Variants in NTRK2 observed in about 807,000 individuals in gnomAD.
NTRK2 encodes BDNF/NT-3 growth factors receptor.
In NTRK2, 13 loss-of-function variants were observed where a neutral mutation model predicts 94.5. The ratio of observed to expected loss-of-function variants is 0.14; its 90% CI spans 0.09 to 0.22. The LOEUF (loss-of-function observed/expected upper bound fraction) is 0.22, where lower values mean the gene tolerates loss of function less well. Among genes scored for constraint, NTRK2 ranks in the 10% least tolerant of loss-of-function variants. NTRK2 has a pLI of 1.00. For synonymous variants in NTRK2, 372 were observed against 407.4 expected, an observed-to-expected ratio of 0.91 and a Z score of 1.05; for missense variants, 639 against 1,071.2, an observed-to-expected ratio of 0.60 and a Z score of 5.63.
intron 14 of NTRK2, among the ~76,000 whole-genome samples, chr9:84,927,423 G>T (rs1384471947): frequency 1.3e-5 from 2 of 152,126 alleles, no homozygotes; most frequent in African/African-American, 4.8e-5. Flanking sequence ...CTGCCCTTTA[G>T]GTTATAAGGT....
intron 12 of NTRK2, among the ~76,000 whole-genome samples, chr9:84,822,177 C>T (rs561805872): frequency 5.9e-5 from 9 of 152,102 alleles, no homozygotes; most frequent in Non-Finnish European, 1.3e-4. Context: ...TTCAGGGGGT[C>T]TCCATGCCCA....
chr9:84,963,169 C>T (rs1825157173), intron 17 of NTRK2, among the ~76,000 whole-genome samples: 1 of 152,166 alleles, frequency 6.6e-6, no homozygotes, highest in Admixed American at 6.5e-5. Context: ...CACCTTTTTC[C>T]ATCAGGGCAT....
At chr9:85,006,997 T>C (rs1831045149) in intron 17 of NTRK2, among the ~76,000 whole-genome samples, 1 of 152,218 alleles carries the variant, frequency 6.6e-6, no homozygotes, top group Non-Finnish European at 1.5e-5. Flanking sequence ...TCTGAGACCA[T>C]TCCCTAGGGC....
At chr9:84,959,417 A>C (rs968886508) in intron 17 of NTRK2, among the ~76,000 whole-genome samples, 1 of 152,212 alleles carries the variant, frequency 6.6e-6, no homozygotes, top group Non-Finnish European at 1.5e-5. Flanking sequence ...TTCCCACTAG[A>C]AGTCCAAGCC....
intron 12 of NTRK2, among the ~76,000 whole-genome samples, chr9:84,836,345 A>C (rs1197097723): frequency 6.6e-6 from 1 of 151,944 alleles, no homozygotes; most frequent in Non-Finnish European, 1.5e-5. Flanking sequence ...GGTGCTTTTA[A>C]GTAAGAGAAG....
intron 16 of NTRK2, among the ~76,000 whole-genome samples, chr9:84,951,225 A>T (rs2078770484): frequency 6.6e-6 from 1 of 152,196 alleles, no homozygotes; most frequent in Admixed American, 6.5e-5. Flanking sequence ...AATTAGGAAT[A>T]TATAGCCGAT....
chr9:84,965,183 T>C (rs1825411108), intron 17 of NTRK2, among the ~76,000 whole-genome samples: 1 of 152,238 alleles, frequency 6.6e-6, no homozygotes, highest in Non-Finnish European at 1.5e-5. Context: ...GGCAGAATAT[T>C]AGTAATGCTA....
At chr9:84,926,177 T>G (rs796283838) in intron 14 of NTRK2, among the ~76,000 whole-genome samples, 52 of 62,672 alleles carry the variant, frequency 8.3e-4, no homozygotes, top group African/African-American at 2.7e-3. Flanking sequence ...TTCCTTTCTT[T>G]CTTTCTTTCT....
intron 14 of NTRK2, among the ~76,000 whole-genome samples, chr9:84,900,972 G>A (rs1587871370): frequency 6.6e-6 from 1 of 152,046 alleles, no homozygotes; most frequent in Non-Finnish European, 1.5e-5. Flanking sequence ...GCTAATAAAC[G>A]GCATACAGTC....
intron 14 of NTRK2, among the ~76,000 whole-genome samples, chr9:84,886,341 G>A (rs1411073216): frequency 6.6e-6 from 1 of 152,204 alleles, no homozygotes; most frequent in East Asian, 1.9e-4. Flanking sequence ...GATCCCATTG[G>A]AAGAAGCTTC....
chr9:84,673,567 C>T (rs1587837583), intron 2 of NTRK2, among the ~76,000 whole-genome samples: 1 of 152,174 alleles, frequency 6.6e-6, no homozygotes, highest in Non-Finnish European at 1.5e-5. Flanking sequence ...TTTACCATAT[C>T]ATTCAAAAAT....
chr9:84,735,532 C>T (rs1171267587), intron 9 of NTRK2, among the ~76,000 whole-genome samples: 1 of 152,134 alleles, frequency 6.6e-6, no homozygotes, highest in Non-Finnish European at 1.5e-5. Context: ...CTGAGGATAT[C>T]AAATAGTAAT....
chr9:84,810,477 G>C, intron 12 of NTRK2: 1 of 1,400,408 alleles, frequency 7.1e-7, no homozygotes. Context: ...TATTGTACTT[G>C]TATGTTAATT....
chr9:84,720,017 C>CAAA (rs57132074), intron 6 of NTRK2, among the ~76,000 whole-genome samples: 89 of 87,722 alleles, frequency 1.0e-3, no homozygotes, highest in East Asian at 3.1e-3. Flanking sequence ...AAGACTATCT[C>CAAA]AAAAAAAAAA....
Position 85,025,485 on chromosome 9 carries a change from G to A in NTRK2, c.*4048G>A. On this transcript the variant is annotated 3_prime_UTR_variant, in exon 19 of 19. Coordinates refer to ENST00000277120, the MANE Select transcript of NTRK2 (RefSeq NM_006180.6). The stretch of plus-strand genomic sequence containing the variant: ...CTCTTAGGAATTCCCACATCCTAGA[G>A]TGAATGCACCAACTAACAGTATAGA... 2 of 233,244 alleles carry A rather than the reference G, an allele frequency of 8.6e-6. No individual in the cohort carries two copies. The highest frequency in any genetic ancestry group is 8.5e-6 in the Non-Finnish European group (1 of 118,012). The allele number at this position is 233,244 out of a possible 1,614,324, so 14.4% of individuals were successfully genotyped here.
intron 12 of NTRK2, among the ~76,000 whole-genome samples, chr9:84,857,791 GA>G (rs2075137362): frequency 6.6e-6 from 1 of 152,098 alleles, no homozygotes; most frequent in Admixed American, 6.5e-5. Flanking sequence ...AATGAGAAAC[GA>G]ATCCTAGGTA....
intron 10 of NTRK2, among the ~76,000 whole-genome samples, chr9:84,744,643 C>T (rs914732953): frequency 1.3e-5 from 2 of 152,092 alleles, no homozygotes; most frequent in South Asian, 2.1e-4. Context: ...CGTAGATGAT[C>T]GATTCCCTGT....
At chr9:84,967,637 C>T (rs897858256) in intron 17 of NTRK2, among the ~76,000 whole-genome samples, 8 of 152,346 alleles carry the variant, frequency 5.3e-5, no homozygotes, top group East Asian at 1.9e-4. Flanking sequence ...GCTCCTTTGA[C>T]GGCGGAGCCC....
intron 17 of NTRK2, among the ~76,000 whole-genome samples, chr9:85,015,068 T>G (rs1219905712): frequency 2.0e-5 from 3 of 152,238 alleles, no homozygotes; most frequent in African/African-American, 4.8e-5. Context: ...ATCTGGTTTT[T>G]AAAATTATGT....
Sources: gnomAD v4.1 joint callset for allele counts (sites outside exome capture counted in the v4.1 genomes callset) on GRCh38, gnomAD v4.1.1 for gene constraint, MANE v1.5 for transcripts, NCBI Gene and HGNC (gene_info 2026-07-23, HGNC 2026-07-21) for gene names.